Variants in TMEM132D observed in about 807,000 individuals in gnomAD.
TMEM132D encodes the protein transmembrane protein 132D, also known as mature OL transmembrane protein.
Under a neutral mutation model 62.3 loss-of-function variants are expected in TMEM132D, and 21 were observed. The ratio of observed to expected loss-of-function variants is 0.34; its 90% confidence interval spans 0.24 to 0.49. The LOEUF (loss-of-function observed/expected upper bound fraction) is 0.49. TMEM132D is among the 20% of genes least tolerant of loss of function. The probability of loss-of-function intolerance (pLI) is 0.99; values close to 1 mark genes in which losing one functional copy is unlikely to be tolerated. For synonymous variants in TMEM132D, 621 were observed against 575.6 expected (o/e 1.08, Z -1.13); for missense variants, 1,346 against 1,402.8 (o/e 0.96, Z 0.65).
At chr12:129,688,147 G>A (rs1191528047) in intron 2 of TMEM132D, among the ~76,000 whole-genome samples, 3 of 152,162 alleles carry the variant, frequency 2.0e-5, no homozygotes, top group African/African-American at 7.2e-5. Context: ...TCATGAAACT[G>A]TGTGCAAAGA....
At chr12:129,862,982 G>A (rs77635027) in intron 1 of TMEM132D, among the ~76,000 whole-genome samples, 2,013 of 152,230 alleles carry the variant, frequency 0.013, 38 homozygotes, top group African/African-American at 0.045. Flanking sequence ...CTTCCTCAGC[G>A]AGGGAGGGAT....
At position 129,631,225 on chromosome 12, in the gene TMEM132D, G is replaced by A. The variant is rs963996186; in HGVS notation, c.968+68585C>T. Among the ~76,000 whole-genome samples the A allele has an allele frequency of 2.6e-5, 4 of 152,138 alleles. No individual in the cohort carries two copies. In the South Asian group the frequency reaches 8.3e-4, roughly 32 times the overall value. The stretch of plus-strand genomic sequence containing the variant: ...GACATCAAGAACTGCTTCCTTCAGC[G>A]CTACTGCGTCTTTCTCTTTCATAAA... On this transcript the variant is annotated intron_variant, in intron 2 of 8. Coordinates refer to ENST00000422113, the MANE Select transcript of TMEM132D (RefSeq NM_133448.3).
chr12:129,178,966 C>T (rs1877987516), intron 5 of TMEM132D, among the ~76,000 whole-genome samples: 1 of 152,172 alleles, frequency 6.6e-6, no homozygotes, highest in Non-Finnish European at 1.5e-5. Flanking sequence ...TCTGGGACCA[C>T]TGTGTGAATG....
At chr12:129,419,043 G>C (rs1872217886) in intron 3 of TMEM132D, among the ~76,000 whole-genome samples, 2 of 152,318 alleles carry the variant, frequency 1.3e-5, no homozygotes, top group Admixed American at 6.5e-5. Context: ...CTGACACCTT[G>C]ATTTCAGACT....
chr12:129,893,935 CG>C (rs1199896326), intron 1 of TMEM132D, among the ~76,000 whole-genome samples: 2 of 152,156 alleles, frequency 1.3e-5, no homozygotes, highest in African/African-American at 4.8e-5. Flanking sequence ...ATGATTTTCA[CG>C]CCCTACAGAG....
intron 1 of TMEM132D, among the ~76,000 whole-genome samples, chr12:129,726,351 C>T (rs1869036710): frequency 6.6e-6 from 1 of 152,108 alleles, no homozygotes; most frequent in African/African-American, 2.4e-5. Flanking sequence ...AAAAGGGACC[C>T]AGATAAAGCT....
chr12:129,643,773 C>G (rs936147269), intron 2 of TMEM132D, among the ~76,000 whole-genome samples: 11 of 152,246 alleles, frequency 7.2e-5, no homozygotes, highest in African/African-American at 2.6e-4. Context: ...TACCTATGAC[C>G]TGGAAGGCCC....
chr12:129,124,979 C>T (rs4964877), intron 5 of TMEM132D, among the ~76,000 whole-genome samples: 135,390 of 152,118 alleles, frequency 0.89, 61,668 homozygotes, highest in Non-Finnish European at 1. Context: ...AAGCGACTGC[C>T]TCTGTAACTA....
intron 5 of TMEM132D, among the ~76,000 whole-genome samples, chr12:129,086,197 C>CGT (rs781758085): frequency 3.9e-4 from 29 of 73,572 alleles, no homozygotes; most frequent in African/African-American, 1.5e-3. Flanking sequence ...TAGTCACGCG[C>CGT]GCGCGTGTGT....
chr12:129,517,030 T>G (rs1170896263), intron 3 of TMEM132D, among the ~76,000 whole-genome samples: 1 of 152,170 alleles, frequency 6.6e-6, no homozygotes, highest in Non-Finnish European at 1.5e-5. Flanking sequence ...ATGGGACCCA[T>G]CAGATTAGTC....
chr12:129,529,730 C>A (rs1206873585), intron 3 of TMEM132D, among the ~76,000 whole-genome samples: 1 of 152,188 alleles, frequency 6.6e-6, no homozygotes, highest in African/African-American at 2.4e-5. Flanking sequence ...TCCATCCATC[C>A]ATTTGCCCAT....
intron 3 of TMEM132D, among the ~76,000 whole-genome samples, chr12:129,440,170 C>T (rs973997423): frequency 3.9e-5 from 6 of 152,162 alleles, no homozygotes. Flanking sequence ...CAACAGGAAA[C>T]AAAATGCTCC....
intron 3 of TMEM132D, among the ~76,000 whole-genome samples, chr12:129,372,319 A>G (rs1870633401): frequency 2.0e-5 from 3 of 152,354 alleles, no homozygotes; most frequent in Admixed American, 6.5e-5. Context: ...GAACCAGTCC[A>G]TGGCCTGTTA....
intron 5 of TMEM132D, chr12:129,085,525 C>T (rs767078331): frequency 1.3e-5 from 2 of 152,298 alleles, no homozygotes; most frequent in Non-Finnish European, 2.9e-5. Flanking sequence ...CATTCTGCCT[C>T]CAGAGATCAT....
intron 4 of TMEM132D, among the ~76,000 whole-genome samples, chr12:129,211,238 G>A (rs149027480): frequency 1.8e-4 from 27 of 152,196 alleles, no homozygotes; most frequent in African/African-American, 5.1e-4. Flanking sequence ...GCCACATTGC[G>A]TTTCTTCTGT....
At chr12:129,695,375 A>T (rs906338921) in intron 2 of TMEM132D, among the ~76,000 whole-genome samples, 5 of 152,242 alleles carry the variant, frequency 3.3e-5, no homozygotes, top group African/African-American at 1.2e-4. Context: ...GCGGGGACAT[A>T]TGGGAACACT....
At chr12:129,755,853 A>T (rs2398481) in intron 1 of TMEM132D, among the ~76,000 whole-genome samples, 199 of 152,252 alleles carry the variant, frequency 1.3e-3, no homozygotes, top group African/African-American at 3.8e-3. Flanking sequence ...TCTTAGAGTC[A>T]AACTTTCTCA....
At position 129,126,355 on chromosome 12, in the gene TMEM132D, TC is replaced by T. The variant is rs56146321; in HGVS notation, c.1444-41654del. Among the ~76,000 whole-genome samples, 124 of 138,640 alleles carry T rather than the reference TC, an allele frequency of 8.9e-4. 1 individual carries two copies. Among genetic ancestry groups the T allele is most frequent in the African/African-American group, 3.2e-3 (111 of 35,078 alleles). 91.0% of individuals were successfully genotyped at this position (138,640 alleles called of 152,430 possible). A position where few individuals can be genotyped will look rare whatever the true frequency, so the allele number is the denominator to read the frequency against. On this transcript the variant is annotated intron_variant, in intron 5 of 8. Coordinates refer to ENST00000422113, the MANE Select transcript of TMEM132D (RefSeq NM_133448.3). ...TTTCATTCTCTTGCCTCAGTTTCTCTCTCTTTTTTTTTTTTTTTAGCAATAA... is the reference window on the plus strand; with the variant it reads ...TTTCATTCTCTTGCCTCAGTTTCTCTTCTTTTTTTTTTTTTTTAGCAATAA...
At chr12:129,081,221 T>C (rs1293052807) in intron 7 of TMEM132D, among the ~76,000 whole-genome samples, 1 of 152,236 alleles carries the variant, frequency 6.6e-6, no homozygotes, top group Non-Finnish European at 1.5e-5. Context: ...TGAGCCACCA[T>C]GGGAGCCAGC....
Sources: gnomAD v4.1 joint callset for allele counts (sites outside exome capture counted in the v4.1 genomes callset) on GRCh38, gnomAD v4.1.1 for gene constraint, MANE v1.5 for transcripts, NCBI Gene and HGNC (gene_info 2026-07-23, HGNC 2026-07-21) for gene names.